Variants in CACNG4 observed in about 807,000 individuals in gnomAD.
The protein encoded by CACNG4 is voltage-dependent calcium channel gamma-4 subunit.
Under a neutral mutation model 22.9 loss-of-function variants are expected in CACNG4, and 8 were observed. The observed-to-expected ratio is 0.35, with a 90% CI of 0.21 to 0.63. The LOEUF is 0.63. Ranked by LOEUF, CACNG4 falls within the 30% of genes least tolerant of loss-of-function variation. CACNG4 has a pLI of 0.72. For synonymous variants in CACNG4, 188 were observed against 191.9 expected (o/e 0.98, Z 0.17); for missense variants, 357 against 455.4 (o/e 0.78, Z 1.97).
At chr17:66,986,098 A>G (rs2035304358) in intron 1 of CACNG4, among the ~76,000 whole-genome samples, 1 of 152,222 alleles carries the variant, frequency 6.6e-6, no homozygotes, top group Non-Finnish European at 1.5e-5. Context: ...CATGGGACAG[A>G]GGGATTGTTC....
chr17:66,997,376 G>A (rs1478833005), intron 1 of CACNG4, among the ~76,000 whole-genome samples: 1 of 152,124 alleles, frequency 6.6e-6, no homozygotes, highest in Non-Finnish European at 1.5e-5. Context: ...GAGCAAGAAG[G>A]CAATGAGAGT....
At chr17:67,005,350 G>T (rs990041788) in intron 1 of CACNG4, among the ~76,000 whole-genome samples, 1 of 152,178 alleles carries the variant, frequency 6.6e-6, no homozygotes, top group Non-Finnish European at 1.5e-5. Context: ...AGAGAAAGGG[G>T]CTCCCCAGTG....
At chr17:67,011,311 T>C (rs74600159) in intron 1 of CACNG4, among the ~76,000 whole-genome samples, 1,917 of 152,206 alleles carry the variant, frequency 0.013, 18 homozygotes, top group Non-Finnish European at 0.02. Context: ...AAATCACGTA[T>C]GTGAGCAGCC....
At chr17:67,022,177 C>A (rs942619765) in intron 2 of CACNG4, among the ~76,000 whole-genome samples, 1 of 151,308 alleles carries the variant, frequency 6.6e-6, no homozygotes, top group Non-Finnish European at 1.5e-5. Flanking sequence ...CGGGTTCAGG[C>A]GATTCTTGTG....
intron 1 of CACNG4, 24 bp downstream of exon 1, chr17:66,965,155 C>G: frequency 7.4e-7 from 1 of 1,344,364 alleles, no homozygotes; most frequent in Non-Finnish European, 1.0e-6. Context: ...CGACCCCTCG[C>G]CGCCCCACAC....
intron 3 of CACNG4, among the ~76,000 whole-genome samples, chr17:67,028,266 G>A (rs1283404002): frequency 6.6e-6 from 1 of 151,742 alleles, no homozygotes; most frequent in East Asian, 2.0e-4. Flanking sequence ...ATGATAAAAC[G>A]CAATGGGCCG....
intron 1 of CACNG4, among the ~76,000 whole-genome samples, chr17:67,012,238 T>C (rs1021560612): frequency 1.1e-4 from 16 of 152,214 alleles, no homozygotes; most frequent in Non-Finnish European, 1.5e-5. Flanking sequence ...AGACTTTGTT[T>C]TACATTAGGG....
At chr17:66,970,347 T>G (rs1354059482) in intron 1 of CACNG4, among the ~76,000 whole-genome samples, 1 of 152,184 alleles carries the variant, frequency 6.6e-6, no homozygotes, top group Admixed American at 6.5e-5. Context: ...TATGATAGAC[T>G]GGGTGGTTTA....
At chr17:66,999,181 A>C (rs2035392318) in intron 1 of CACNG4, among the ~76,000 whole-genome samples, 1 of 152,196 alleles carries the variant, frequency 6.6e-6, no homozygotes, top group South Asian at 2.1e-4. Context: ...AGAGGGTTGC[A>C]GTGAGGACTG....
intron 3 of CACNG4, among the ~76,000 whole-genome samples, chr17:67,028,958 C>G (rs2035584855): frequency 6.6e-6 from 1 of 152,198 alleles, no homozygotes. Context: ...CACTTAGTGA[C>G]TAAATTTAAA....
intron 1 of CACNG4, among the ~76,000 whole-genome samples, chr17:66,980,990 A>G (rs1476130520): frequency 6.6e-6 from 1 of 152,240 alleles, no homozygotes; most frequent in Non-Finnish European, 1.5e-5. Context: ...AGTAAATAAA[A>G]AGAAAAAAAT....
intron 1 of CACNG4, among the ~76,000 whole-genome samples, chr17:66,973,657 G>A (rs1157599598): frequency 2.6e-5 from 4 of 152,160 alleles, no homozygotes; most frequent in Non-Finnish European, 4.4e-5. Flanking sequence ...TCTGTGCCTC[G>A]GGCCTCCATC....
intron 1 of CACNG4, among the ~76,000 whole-genome samples, chr17:66,976,666 C>T (rs2035238438): frequency 6.6e-6 from 1 of 151,988 alleles, no homozygotes; most frequent in South Asian, 2.1e-4. Context: ...CCGCCCCACC[C>T]CCAGGGTTCT....
In CACNG4 at chr17:67,031,688, G is replaced by A. The variant is rs1335961400; in HGVS notation, c.*684G>A. 1 of 456,782 alleles carries A rather than the reference G, an allele frequency of 2.2e-6. No homozygotes were observed. The highest frequency in any genetic ancestry group is 2.0e-5 in the African/African-American group (1 of 50,204). The allele number at this position is 456,782 out of a possible 1,614,324, so 28.3% of individuals were successfully genotyped here. ...GAGGAGGCCCAGGTAAAGGCTGGGG[G>A]CTGTTGCTGGCTATCCTCTTTGCTT... On this transcript the variant is annotated 3_prime_UTR_variant, in exon 4 of 4. Transcript: ENST00000262138. This position sits in a 1 kb window ranked among gnomAD's most constrained non-coding sequence, Gnocchi z 4.0.
At chr17:66,985,367 G>T (rs1043045196) in intron 1 of CACNG4, among the ~76,000 whole-genome samples, 10 of 152,298 alleles carry the variant, frequency 6.6e-5, no homozygotes, top group Non-Finnish European at 1.2e-4. Flanking sequence ...TCATAGCAGA[G>T]AATAAAACAG....
At chr17:66,965,646 G>A (rs2035165308) in intron 1 of CACNG4, among the ~76,000 whole-genome samples, 1 of 151,408 alleles carries the variant, frequency 6.6e-6, no homozygotes, top group South Asian at 2.1e-4. Context: ...CCGGCCGGGG[G>A]CGGGGCGCGT....
intron 3 of CACNG4, among the ~76,000 whole-genome samples, chr17:67,028,477 C>T (rs1306697284): frequency 1.3e-5 from 2 of 151,438 alleles, no homozygotes; most frequent in East Asian, 3.9e-4. Flanking sequence ...GGCGTGAACC[C>T]GGGAGGCGGA....
chr17:67,022,986 T>C (rs1204239905), intron 2 of CACNG4, among the ~76,000 whole-genome samples: 1 of 152,212 alleles, frequency 6.6e-6, no homozygotes, highest in African/African-American at 2.4e-5. Context: ...TTCACTGTCA[T>C]GGTGTGGAAG....
At chr17:67,023,064 C>T (rs373384786) in intron 2 of CACNG4, among the ~76,000 whole-genome samples, 1 of 152,140 alleles carries the variant, frequency 6.6e-6, no homozygotes, top group Admixed American at 6.5e-5. Context: ...AGGACCATTC[C>T]TCTCCCAGCT....
Sources: gnomAD v4.1 joint callset for allele counts (sites outside exome capture counted in the v4.1 genomes callset) on GRCh38, gnomAD v4.1.1 for gene constraint, Gnocchi (gnomAD v3.1) non-coding constraint, MANE v1.5 for transcripts, NCBI Gene and HGNC (gene_info 2026-07-23, HGNC 2026-07-21) for gene names.